The following PIK3C3 variants were observed in gnomAD, a reference collection of about 807,000 sequenced individuals.
PIK3C3 encodes the protein PI3-kinase type 3.
In PIK3C3, 95 loss-of-function variants were observed where a neutral mutation model predicts 126.1. That is an observed-to-expected ratio of 0.75 (90% CI 0.64 to 0.89). PIK3C3 has a LOEUF of 0.89. PIK3C3 is among the 40% of genes least tolerant of loss of function. The pLI is 0.00. For synonymous variants in PIK3C3, 374 were observed against 360.0 expected (o/e 1.04, Z -0.44); for missense variants, 829 against 1,063.2 (o/e 0.78, Z 3.06).
Position 42,037,821 on chromosome 18 carries a change from G to A in PIK3C3, c.1968+1G>A. The A allele has an allele frequency of 6.2e-7, 1 of 1,607,608 alleles. No individual in the cohort carries two copies. Among genetic ancestry groups the A allele is most frequent in the Non-Finnish European group, 8.5e-7 (1 of 1,175,330 alleles). On this transcript the variant is annotated splice_donor_variant, in intron 17 of 24. Coordinates refer to ENST00000262039, the MANE Select transcript of PIK3C3 (RefSeq NM_002647.4). LOFTEE classifies it high-confidence loss of function. ...TCAAATCATTTCACTCATGGACAAG[G>A]TGAACATGACCTTATGTTGGTGGGG... is the stretch of plus-strand genomic sequence containing the variant.
At chr18:41,997,845 T>C (rs1323961906) in intron 9 of PIK3C3, among the ~76,000 whole-genome samples, 2 of 152,098 alleles carry the variant, frequency 1.3e-5, no homozygotes, top group Admixed American at 6.6e-5. Flanking sequence ...AGTGAAGACG[T>C]AGAAAAGAGA....
intron 24 of PIK3C3, among the ~76,000 whole-genome samples, chr18:42,074,575 A>G (rs555141189): frequency 2.6e-5 from 4 of 152,258 alleles, no homozygotes; most frequent in African/African-American, 9.6e-5. Context: ...TAGTTGTGAA[A>G]CCGATACATA....
intron 24 of PIK3C3, among the ~76,000 whole-genome samples, chr18:42,075,331 AAAG>A (rs1259461952): frequency 2.0e-5 from 3 of 152,154 alleles, no homozygotes; most frequent in African/African-American, 7.2e-5. Context: ...TTAATTTTCT[AAAG>A]AATGAGATGA....
chr18:41,993,320 TC>T lies in PIK3C3; in HGVS notation c.767del (p.Pro256LeufsTer10), dbSNP rs1981870363. ...TAACAAGTTTTGAATTAGTGAAAGT[TC>T]CTGACCCCCAGATGTCTATGGTAAG... is the stretch of plus-strand genomic sequence containing the variant. Reference protein sequence around the residue: ...ILTSFELVKVPDPQMSMENLV... With the variant: ...ILTSFELVKVXDPQMSMENLV... On this transcript the variant is annotated frameshift_variant, in exon 7 of 25. Coordinates refer to ENST00000262039, the MANE Select transcript of PIK3C3 (RefSeq NM_002647.4). LOFTEE classifies it high-confidence loss of function. The T allele has an allele frequency of 6.2e-7, 1 of 1,608,514 alleles. No homozygotes were observed. The highest frequency in any genetic ancestry group is 8.5e-7 in the Non-Finnish European group (1 of 1,175,578).
chr18:41,969,554 T>G (rs181282352), intron 3 of PIK3C3, among the ~76,000 whole-genome samples: 66 of 152,372 alleles, frequency 4.3e-4, no homozygotes, highest in African/African-American at 1.4e-3. Context: ...GAATTCTGGC[T>G]ATGTGCTAAA....
chr18:41,965,339 G>C (rs1320081624), intron 3 of PIK3C3, among the ~76,000 whole-genome samples: 1 of 152,210 alleles, frequency 6.6e-6, no homozygotes, highest in Non-Finnish European at 1.5e-5. Context: ...TTTCTGACTA[G>C]GATGTAGTTG....
At chr18:42,040,156 CTTTTT>C (rs55821466) in intron 18 of PIK3C3, among the ~76,000 whole-genome samples, 2 of 110,524 alleles carry the variant, frequency 1.8e-5, no homozygotes, top group African/African-American at 3.8e-5. Context: ...GTCCCCTTTC[CTTTTT>C]TTTTTTTTTT....
rs1200098599 is a variant in PIK3C3 at position 41,970,384 on chromosome 18, A to G, written c.459A>G (p.Gly153=). The G allele has an allele frequency of 6.2e-7, 1 of 1,613,410 alleles. No homozygotes were observed. The highest frequency in any genetic ancestry group is 1.1e-5 in the South Asian group (1 of 91,062). The stretch of plus-strand genomic sequence containing the variant: ...TCTGGCCTAATGTAGAAGCAGATGG[A>G]TCAGAACCCACAAAAACTCCTGGCA... ...LKVWPNVEAD[G]SEPTKTPGRT... The change falls in exon 4 of 25, where the codon GGA becomes GGG. Residue 153 remains glycine (G), a synonymous_variant. Coordinates refer to ENST00000262039, the MANE Select transcript of PIK3C3 (RefSeq NM_002647.4).
chr18:42,032,691 T>C (rs1446061068), intron 15 of PIK3C3, among the ~76,000 whole-genome samples: 1 of 151,826 alleles, frequency 6.6e-6, no homozygotes, highest in East Asian at 1.9e-4. Context: ...AACTAGTAAT[T>C]TGTTAAGGTA....
intron 3 of PIK3C3, among the ~76,000 whole-genome samples, chr18:41,966,873 CCAAACATAA>C (rs1334132228): frequency 1.3e-5 from 2 of 152,054 alleles, no homozygotes; most frequent in Non-Finnish European, 2.9e-5. Flanking sequence ...GGGCAGTTAT[CCAAACATAA>C]CTAACATAAC....
intron 24 of PIK3C3, among the ~76,000 whole-genome samples, chr18:42,076,145 C>CACATATATATATAT (rs1232530841): frequency 0.18 from 4,762 of 26,036 alleles, 323 homozygotes; most frequent in Non-Finnish European, 0.2. Flanking sequence ...TATATATATG[C>CACATATATATATAT]GCATATATAT....
intron 24 of PIK3C3, among the ~76,000 whole-genome samples, chr18:42,075,865 G>T (rs1469563816): frequency 6.7e-6 from 1 of 149,942 alleles, no homozygotes; most frequent in Non-Finnish European, 1.5e-5. Flanking sequence ...GTCCTCTGTG[G>T]CATCTTATTC....
intron 13 of PIK3C3, chr18:42,026,253 A>G (rs1188215565): frequency 6.6e-6 from 1 of 152,212 alleles, no homozygotes; most frequent in East Asian, 1.9e-4. Context: ...AAGCAAGTTG[A>G]TTGAGATTGA....
intron 21 of PIK3C3, chr18:42,057,661 T>C: frequency 8.5e-6 from 4 of 469,916 alleles, no homozygotes; most frequent in East Asian, 4.0e-5. Flanking sequence ...GTGACATGAT[T>C]TTAGGCATAG....
intron 7 of PIK3C3, among the ~76,000 whole-genome samples, chr18:41,993,782 G>A (rs1352629662): frequency 6.6e-6 from 1 of 152,060 alleles, no homozygotes; most frequent in South Asian, 2.1e-4. Context: ...AGGGAAGATT[G>A]CTGTAGCCCT....
At chr18:41,983,415 A>C (rs1981306847) in intron 4 of PIK3C3, among the ~76,000 whole-genome samples, 1 of 151,934 alleles carries the variant, frequency 6.6e-6, no homozygotes, top group Non-Finnish European at 1.5e-5. Context: ...CTTCCCCTGA[A>C]GCCCCAAAGC....
At position 42,076,149 on chromosome 18, in the gene PIK3C3, T is replaced by TATATATGCGC. The variant is rs1555643414; in HGVS notation, c.2650-4968_2650-4967insGCGCATATAT. Among the ~76,000 whole-genome samples, 529 of 88,570 alleles carry TATATATGCGC rather than the reference T, an allele frequency of 6.0e-3. 29 individuals are homozygous for TATATATGCGC. The highest frequency in any genetic ancestry group is 0.034 in the African/African-American group (510 of 15,066). 58.1% of individuals were successfully genotyped at this position (88,570 alleles called of 152,430 possible). A position where few individuals can be genotyped will look rare whatever the true frequency, so the allele number is the denominator to read the frequency against. Reference sequence around the variant, plus strand: ...GCATATATATATATATATATGCGCATATATATATATATGCACATATATATA... The same window carrying TATATATGCGC: ...GCATATATATATATATATATGCGCATATATATGCGCATATATATATATGCACATATATATA... On this transcript the variant is annotated intron_variant, in intron 24 of 24. Transcript: ENST00000262039.
At chr18:42,063,953 G>A (rs923492010) in intron 22 of PIK3C3, among the ~76,000 whole-genome samples, 2 of 152,134 alleles carry the variant, frequency 1.3e-5, no homozygotes, top group African/African-American at 4.8e-5. Context: ...CTAAGGAGGG[G>A]CCACTAAGAG....
chr18:42,001,885 C>T (rs1397737438), intron 9 of PIK3C3, among the ~76,000 whole-genome samples: 1 of 152,104 alleles, frequency 6.6e-6, no homozygotes, highest in African/African-American at 2.4e-5. Flanking sequence ...GCTTTGTTTC[C>T]ACATTCAACC....
Sources: allele counts gnomAD v4.1 joint callset (sites outside exome capture counted in the v4.1 genomes callset), GRCh38; gene constraint gnomAD v4.1.1; transcripts MANE v1.5; gene names NCBI Gene and HGNC (gene_info 2026-07-23, HGNC 2026-07-21).